ANO3: variants seen among roughly 807,000 people sequenced by gnomAD.
ANO3 encodes the protein anoctamin 3.
In ANO3, 99 loss-of-function variants were observed where a neutral mutation model predicts 144.8. The ratio of observed to expected loss-of-function variants is 0.68; its 90% CI spans 0.58 to 0.81. The LOEUF (loss-of-function observed/expected upper bound fraction) is 0.81. Among genes scored for constraint, ANO3 ranks in the 30% least tolerant of loss-of-function variants. ANO3 has a pLI of 0.00. For synonymous variants in ANO3, 414 were observed against 392.6 expected (o/e 1.05, Z -0.64); for missense variants, 905 against 1,202.2 (o/e 0.75, Z 3.66).
chr11:26,372,856 A>G (rs558354894), intron 1 of ANO3, among the ~76,000 whole-genome samples: 1 of 152,308 alleles, frequency 6.6e-6, no homozygotes, highest in African/African-American at 2.4e-5. Context: ...TTTCACTTTG[A>G]ACATTTATAT....
chr11:26,618,009 A>T (rs1852309822), intron 17 of ANO3, among the ~76,000 whole-genome samples: 1 of 152,162 alleles, frequency 6.6e-6, no homozygotes, highest in Non-Finnish European at 1.5e-5. Flanking sequence ...ACCTTTTGTT[A>T]TGCTATTTTC....
chr11:26,253,464 C>T (rs1232330859), intron 1 of ANO3, among the ~76,000 whole-genome samples: 3 of 151,674 alleles, frequency 2.0e-5, no homozygotes, highest in Non-Finnish European at 2.9e-5. Context: ...CTAGGCTTAA[C>T]ACCTGGGTGA....
At chr11:26,533,022 T>C (rs1214277147) in intron 8 of ANO3, among the ~76,000 whole-genome samples, 1 of 152,208 alleles carries the variant, frequency 6.6e-6, no homozygotes. Context: ...TGGACATTCC[T>C]TCTCCTACCT....
chr11:26,440,481 C>G (rs138074731), intron 1 of ANO3, among the ~76,000 whole-genome samples: 2 of 151,208 alleles, frequency 1.3e-5, no homozygotes, highest in Non-Finnish European at 3.0e-5. Flanking sequence ...AACTGGTAAA[C>G]GAAAATGACA....
At chr11:26,623,949 G>A (rs1418612601) in intron 17 of ANO3, among the ~76,000 whole-genome samples, 1 of 152,040 alleles carries the variant, frequency 6.6e-6, no homozygotes, top group African/African-American at 2.4e-5. Flanking sequence ...AACGTGCCCG[G>A]CTAATTTTTT....
intron 3 of ANO3, among the ~76,000 whole-genome samples, chr11:26,456,054 A>T (rs1463288419): frequency 6.6e-6 from 1 of 151,592 alleles, no homozygotes; most frequent in Non-Finnish European, 1.5e-5. Flanking sequence ...CCTTCCTTAC[A>T]CCTTATACAA....
At chr11:26,372,580 T>C (rs1044407090) in intron 1 of ANO3, among the ~76,000 whole-genome samples, 1 of 152,234 alleles carries the variant, frequency 6.6e-6, no homozygotes, top group Non-Finnish European at 1.5e-5. Context: ...CTTTTTATAC[T>C]ATCTCAATTA....
chr11:26,451,768 A>G (rs992229474), intron 3 of ANO3, among the ~76,000 whole-genome samples: 4 of 152,192 alleles, frequency 2.6e-5, no homozygotes, highest in African/African-American at 9.7e-5. Flanking sequence ...ATCTGAGAAC[A>G]GGCAGACTGC....
chr11:26,401,696 G>A (rs1025711836), intron 1 of ANO3, among the ~76,000 whole-genome samples: 1 of 151,908 alleles, frequency 6.6e-6, no homozygotes, highest in African/African-American at 2.4e-5. Context: ...GGCCAAAATG[G>A]TAAAACTCCA....
intron 1 of ANO3, among the ~76,000 whole-genome samples, chr11:26,315,703 A>G (rs1854610952): frequency 6.6e-6 from 1 of 151,502 alleles, no homozygotes; most frequent in South Asian, 2.1e-4. Flanking sequence ...CTATCTATCT[A>G]TCTATCTACC....
At chr11:26,391,800 A>G (rs970084061) in intron 1 of ANO3, among the ~76,000 whole-genome samples, 2 of 152,082 alleles carry the variant, frequency 1.3e-5, no homozygotes, top group African/African-American at 4.8e-5. Context: ...TGTGTAGCCA[A>G]CATCTAACCC....
At chr11:26,459,198 A>C (rs1017066160) in intron 3 of ANO3, among the ~76,000 whole-genome samples, 1 of 152,098 alleles carries the variant, frequency 6.6e-6, no homozygotes, top group Non-Finnish European at 1.5e-5. Flanking sequence ...GTAAGGAGCT[A>C]GATGATGCAT....
At chr11:26,375,321 C>A (rs566232770) in intron 1 of ANO3, among the ~76,000 whole-genome samples, 14 of 152,180 alleles carry the variant, frequency 9.2e-5, no homozygotes, top group African/African-American at 3.4e-4. Context: ...CTCACCTCCT[C>A]CTCTGCTGCC....
chr11:26,418,240 C>G (rs1857649045), intron 1 of ANO3, among the ~76,000 whole-genome samples: 1 of 152,076 alleles, frequency 6.6e-6, no homozygotes, highest in East Asian at 1.9e-4. Context: ...TGCAGTACTG[C>G]TTAGACTAGT....
intron 3 of ANO3, among the ~76,000 whole-genome samples, chr11:26,447,231 TGGG>T (rs5790579): frequency 9.7e-5 from 11 of 112,880 alleles, no homozygotes; most frequent in African/African-American, 2.6e-4. Context: ...AAAAAAAAGG[TGGG>T]GGGGGGTACT....
rs936680194 is a variant in ANO3, at chr11:26,583,234, T to G, written c.1448-15131T>G. Among the ~76,000 whole-genome samples the G allele has an allele frequency of 5.4e-4, 82 of 152,238 alleles. 1 individual carries two copies. Among genetic ancestry groups the G allele is most frequent in the African/African-American group, 1.9e-3 (80 of 41,462 alleles). On this transcript the variant is annotated intron_variant, in intron 14 of 26. Coordinates refer to ENST00000256737, the MANE Select transcript of ANO3 (RefSeq NM_031418.4). ...ATGATGCTTACATGTAGCTTCTTAT[T>G]TCTTCAAGAAATTTGCAAGGCGGGG...
chr11:26,216,061 C>T (rs1000205175), intron 1 of ANO3, among the ~76,000 whole-genome samples: 1 of 151,962 alleles, frequency 6.6e-6, no homozygotes, highest in Non-Finnish European at 1.5e-5. Flanking sequence ...CATTCTGCCC[C>T]AAACCCCTGC....
At chr11:26,608,186 G>T (rs1851988934) in intron 17 of ANO3, among the ~76,000 whole-genome samples, 1 of 152,128 alleles carries the variant, frequency 6.6e-6, no homozygotes, top group Admixed American at 6.5e-5. Context: ...TCAATGGTCA[G>T]GTCTCTCTTC....
chr11:26,460,994 A>G (rs1859373399), intron 3 of ANO3, among the ~76,000 whole-genome samples: 1 of 152,106 alleles, frequency 6.6e-6, no homozygotes, highest in Non-Finnish European at 1.5e-5. Flanking sequence ...GCTCCCCAAC[A>G]GCACATGCCA....
Sources: allele counts gnomAD v4.1 joint callset (sites outside exome capture counted in the v4.1 genomes callset), GRCh38; gene constraint gnomAD v4.1.1; transcripts MANE v1.5; gene names NCBI Gene and HGNC (gene_info 2026-07-23, HGNC 2026-07-21).